The following IP6K1 variants were observed in gnomAD, a reference collection of about 807,000 sequenced individuals.
IP6K1 encodes the protein inositol hexakisphosphate kinase 1.
A neutral mutation model predicts 38.3 loss-of-function variants in IP6K1; 13 were observed. The ratio of observed to expected loss-of-function variants is 0.34; its 90% CI spans 0.22 to 0.54. The LOEUF is 0.54. Among genes scored for constraint, IP6K1 ranks in the 20% least tolerant of loss-of-function variants. The pLI, the probability that IP6K1 is intolerant of heterozygous loss-of-function variation, is 0.92. For missense variants in IP6K1, 397 were observed against 599.8 expected (o/e 0.66, Z 3.53); for synonymous variants, 212 against 229.9 (o/e 0.92, Z 0.70).
At chr3:49,729,707 C>CTTA (rs1194221513) in intron 4 of IP6K1, among the ~76,000 whole-genome samples, 1 of 150,564 alleles carries the variant, frequency 6.6e-6, no homozygotes, top group Non-Finnish European at 1.5e-5. Flanking sequence ...TGTGCCCAGC[C>CTTA]TTATTATTAT....
intron 1 of IP6K1, among the ~76,000 whole-genome samples, chr3:49,779,696 T>C (rs1289233216): frequency 6.6e-6 from 1 of 152,138 alleles, no homozygotes; most frequent in Non-Finnish European, 1.5e-5. Context: ...ATTTTTCTTT[T>C]CTTTTTAGAG....
In IP6K1 at chr3:49,738,368, G is replaced by C; in HGVS notation, c.278C>G (p.Ala93Gly). The part of the protein sequence containing the change: ...GDSDGYINLV[A>G]YPYVESETVE... ...AGTCTCACTTTCCACATAAGGATAG[G>C]CCACTAAGTTGATGTAACCATCACT... The change falls in exon 3 of 6, where the codon GCC (alanine) becomes GGC (glycine). Residue 93 changes from alanine (A) to glycine (G), a missense_variant. Physicochemically the swap from Ala to Gly is moderately conservative, Grantham distance 60. This residue lies in a region of IP6K1 where 171 missense variants were observed against 237.0 expected (regional missense o/e 0.72). Coordinates refer to ENST00000321599, the MANE Select transcript of IP6K1 (RefSeq NM_153273.4). 1 of 1,614,132 alleles carries C rather than the reference G, an allele frequency of 6.2e-7. No homozygotes were observed. Among genetic ancestry groups the C allele is most frequent in the Non-Finnish European group, 8.5e-7 (1 of 1,180,014 alleles).
At chr3:49,772,708 C>T (rs1227224251) in intron 1 of IP6K1, among the ~76,000 whole-genome samples, 1 of 151,068 alleles carries the variant, frequency 6.6e-6, no homozygotes, top group Non-Finnish European at 1.5e-5. Flanking sequence ...CAGCCTCTCT[C>T]TACTTCTGAC....
chr3:49,766,639 G>A (rs1380510903), intron 1 of IP6K1, among the ~76,000 whole-genome samples: 1 of 149,626 alleles, frequency 6.7e-6, no homozygotes, highest in Non-Finnish European at 1.5e-5. Flanking sequence ...ACTCCAGCCT[G>A]GGTGACAGAA....
intron 1 of IP6K1, among the ~76,000 whole-genome samples, chr3:49,762,078 A>G (rs980473454): frequency 1.2e-4 from 18 of 152,140 alleles, no homozygotes; most frequent in African/African-American, 4.1e-4. Context: ...CAGCCCTGAG[A>G]GTAACTAAAA....
At chr3:49,743,844 T>C (rs895313575) in intron 2 of IP6K1, among the ~76,000 whole-genome samples, 60 of 151,666 alleles carry the variant, frequency 4.0e-4, no homozygotes, top group African/African-American at 1.4e-3. Context: ...GGTCTCGAAC[T>C]CCTGACCTCA....
intron 1 of IP6K1, among the ~76,000 whole-genome samples, chr3:49,767,613 A>C (rs1235871936): frequency 6.6e-6 from 1 of 151,828 alleles, no homozygotes; most frequent in Admixed American, 6.6e-5. Context: ...CAACTTAAAA[A>C]AATAAAATTA....
At chr3:49,734,394 C>CTT (rs71735078) in intron 3 of IP6K1, among the ~76,000 whole-genome samples, 190 of 87,244 alleles carry the variant, frequency 2.2e-3, no homozygotes, top group African/African-American at 3.5e-3. Context: ...ACCGTAATTT[C>CTT]TTTTTTTTTT....
At chr3:49,777,520 G>A (rs541305600) in intron 1 of IP6K1, among the ~76,000 whole-genome samples, 10 of 151,052 alleles carry the variant, frequency 6.6e-5, no homozygotes, top group East Asian at 1.9e-4. Flanking sequence ...TGGAGATTGC[G>A]CCACTGCACT....
rs543111122 is a variant in IP6K1, at chr3:49,727,988, C to T, written c.792+115G>A. On this transcript the variant is annotated intron_variant, in intron 5 of 5. Coordinates refer to ENST00000321599, the MANE Select transcript of IP6K1 (RefSeq NM_153273.4). The surrounding 1 kb of genome is among the most constrained non-coding windows in gnomAD (Gnocchi z 5.9). Reference sequence around the variant, plus strand: ...CACCTGAGGCCCATATCAAAGTCAACAGGTAAGGACAGAGGGGCTCAGGAG... The same window carrying T: ...CACCTGAGGCCCATATCAAAGTCAATAGGTAAGGACAGAGGGGCTCAGGAG... 2 of 1,046,412 alleles carry T rather than the reference C, an allele frequency of 1.9e-6. No homozygotes were observed. The highest frequency in any genetic ancestry group is 2.8e-6 in the Non-Finnish European group (2 of 711,478). 64.8% of individuals were successfully genotyped at this position (1,046,412 alleles called of 1,614,324 possible).
intron 4 of IP6K1, among the ~76,000 whole-genome samples, chr3:49,730,778 G>A (rs537235288): frequency 3.9e-5 from 6 of 151,920 alleles, no homozygotes; most frequent in Non-Finnish European, 5.9e-5. Context: ...GTGCAATGGC[G>A]CAATCTTGGC....
At chr3:49,743,283 T>TACAC (rs2080689221) in intron 2 of IP6K1, among the ~76,000 whole-genome samples, 6 of 114,340 alleles carry the variant, frequency 5.2e-5, no homozygotes, top group Admixed American at 2.4e-4. Flanking sequence ...CACACACACT[T>TACAC]ACCTTTCAGC....
rs575052515 is a variant in IP6K1, at chr3:49,779,023, A to T, written c.-129+7331T>A. Among the ~76,000 whole-genome samples the T allele has an allele frequency of 2.2e-4, 33 of 152,300 alleles. 1 individual carries two copies. Among genetic ancestry groups the T allele is most frequent in the Middle Eastern group, 3.4e-3 (1 of 294 alleles). ...TTCAATGATTTTAAGTATAAAATTT[A>T]AAAAAAGTATAAAATATTCAGAAAT... On this transcript the variant is annotated intron_variant, in intron 1 of 5. Coordinates refer to ENST00000321599, the MANE Select transcript of IP6K1 (RefSeq NM_153273.4).
intron 1 of IP6K1, among the ~76,000 whole-genome samples, chr3:49,782,996 T>C (rs2081079864): frequency 6.6e-6 from 1 of 150,686 alleles, no homozygotes; most frequent in East Asian, 1.9e-4. Context: ...GGCGCACTCC[T>C]GTAGTCCCAG....
At chr3:49,774,476 T>C (rs1575327684) in intron 1 of IP6K1, among the ~76,000 whole-genome samples, 1 of 149,020 alleles carries the variant, frequency 6.7e-6, no homozygotes, top group Non-Finnish European at 1.5e-5. Context: ...ATATTGAGTA[T>C]CTACAGAGTA....
At chr3:49,756,817 C>CAAAAAAAAAAAAAAA (rs59808252) in intron 1 of IP6K1, among the ~76,000 whole-genome samples, 1 of 133,284 alleles carries the variant, frequency 7.5e-6, no homozygotes, top group African/African-American at 2.9e-5. Context: ...AACTCCATCT[C>CAAAAAAAAAAAAAAA]AAAAAAAAAA....
At chr3:49,767,784 C>T (rs1434774232) in intron 1 of IP6K1, among the ~76,000 whole-genome samples, 1 of 152,060 alleles carries the variant, frequency 6.6e-6, no homozygotes, top group Non-Finnish European at 1.5e-5. Context: ...GTGAAAACAT[C>T]ACCCACAGAA....
chr3:49,727,282 G>A lies in IP6K1; in HGVS notation c.1166C>T (p.Ser389Phe). ...CATGCGGACATCCACCTTGGGCTGAGAGGAGGGACCCGCCTCGGGGCTGGT... is the reference window on the plus strand; with the variant it reads ...CATGCGGACATCCACCTTGGGCTGAAAGGAGGGACCCGCCTCGGGGCTGGT... ...SNTSPEAGPS[S>F]QPKVDVRMID... is the part of the protein sequence containing the mutation. Residue 389 changes from serine to phenylalanine, a missense_variant, in exon 6 of 6, where the codon TCT becomes TTT. By Grantham distance (155) the Ser-to-Phe change is radical. This residue lies in a region of IP6K1 where 164 missense variants were observed against 213.5 expected (regional missense o/e 0.77). Transcript: ENST00000321599. The surrounding 1 kb of genome is among the most constrained non-coding windows in gnomAD (Gnocchi z 5.9). 2 of 1,614,210 alleles carry A rather than the reference G, an allele frequency of 1.2e-6. No individual in the cohort carries two copies.
rs2080737101 is a variant in IP6K1 at position 49,747,975 on chromosome 3, C to T, written c.66G>A (p.Arg22=). The T allele has an allele frequency of 1.9e-6, 3 of 1,614,060 alleles. No individual in the cohort carries two copies. The highest frequency in any genetic ancestry group is 2.5e-6 in the Non-Finnish European group (3 of 1,180,036). Reference sequence around the variant, plus strand: ...GGATGAAGGGCTCCAGGAGGACTCCCCGGTCTCCAGCCCGACTTGCATTCT... The same window carrying T: ...GGATGAAGGGCTCCAGGAGGACTCCTCGGTCTCCAGCCCGACTTGCATTCT... ...YGKNASRAGD[R]GVLLEPFIHQ... is the part of the protein sequence containing the mutation. Residue 22 remains arginine (R), a synonymous_variant, in exon 2 of 6, where the codon CGG becomes CGA. Transcript: ENST00000321599.
Sources: gnomAD v4.1 joint callset for allele counts (sites outside exome capture counted in the v4.1 genomes callset) on GRCh38, gnomAD v4.1.1 for gene constraint, gnomAD v4.1.1 regional missense constraint, Gnocchi (gnomAD v3.1) non-coding constraint, MANE v1.5 for transcripts, NCBI Gene and HGNC (gene_info 2026-07-23, HGNC 2026-07-21) for gene names.